ESR1: variants seen among roughly 807,000 people sequenced by gnomAD.
ESR1 encodes estrogen receptor 1.
In ESR1, 12 loss-of-function variants were observed where a neutral mutation model predicts 52.7. The ratio of observed to expected loss-of-function variants is 0.23; its 90% CI spans 0.15 to 0.37. ESR1 has a LOEUF of 0.37. Ranked by LOEUF, ESR1 falls within the 10% of genes least tolerant of loss-of-function variation. ESR1 has a pLI of 1.00. For missense variants in ESR1, 584 were observed against 779.7 expected, an observed-to-expected ratio of 0.75 and a Z score of 2.99; for synonymous variants, 305 against 316.8, an observed-to-expected ratio of 0.96 and a Z score of 0.39.
chr6:152,066,289 C>T (rs1202621960), intron 6 of ESR1, among the ~76,000 whole-genome samples: 3 of 152,190 alleles, frequency 2.0e-5, no homozygotes, highest in African/African-American at 7.2e-5. Context: ...TTTGCACTCA[C>T]TTTATATTAT....
intron 5 of ESR1, among the ~76,000 whole-genome samples, chr6:152,054,204 G>A (rs2046920627): frequency 6.6e-6 from 1 of 151,688 alleles, no homozygotes; most frequent in South Asian, 2.1e-4. Flanking sequence ...CATTTTTAAG[G>A]GAAGATATTT....
chr6:151,728,385 A>T (rs763724475), intron 2 of ESR1, among the ~76,000 whole-genome samples: 1 of 152,252 alleles, frequency 6.6e-6, no homozygotes, highest in African/African-American at 2.4e-5. Context: ...TCAACTGAAC[A>T]TTGAAAAATG....
chr6:151,970,722 C>T (rs1562613136), intron 4 of ESR1, among the ~76,000 whole-genome samples: 2 of 152,212 alleles, frequency 1.3e-5, no homozygotes, highest in Admixed American at 6.5e-5. Context: ...CGGTTTAGCA[C>T]AGAGCTTTTA....
intron 1 of ESR1, among the ~76,000 whole-genome samples, chr6:151,838,388 T>A (rs1251578146): frequency 6.6e-6 from 1 of 152,212 alleles, no homozygotes; most frequent in African/African-American, 2.4e-5. Context: ...CTGCTGGGAC[T>A]GATCTAGCCA....
chr6:152,113,467 G>T (rs546901226), intron 6 of ESR1, among the ~76,000 whole-genome samples: 1 of 152,086 alleles, frequency 6.6e-6, no homozygotes, highest in Non-Finnish European at 1.5e-5. Context: ...CTCAGTTACC[G>T]CAGGGCTGTC....
chr6:151,802,404 A>G (rs540239591), upstream of ESR1, among the ~76,000 whole-genome samples: 15 of 152,362 alleles, frequency 9.8e-5, no homozygotes, highest in South Asian at 3.1e-3. Context: ...CTCAGAGTGA[A>G]GGAACCATTT....
At chr6:151,666,914 G>A (rs1777848317) in intron 1 of ESR1, among the ~76,000 whole-genome samples, 1 of 152,104 alleles carries the variant, frequency 6.6e-6, no homozygotes, top group Non-Finnish European at 1.5e-5. Context: ...CATAAGGCAA[G>A]CAGAGTGGGA....
intron 4 of ESR1, among the ~76,000 whole-genome samples, chr6:152,005,692 C>T (rs2042275903): frequency 6.6e-6 from 1 of 152,012 alleles, no homozygotes; most frequent in Admixed American, 6.6e-5. Flanking sequence ...CTGCATTTTA[C>T]AGACAGGAAA....
intron 2 of ESR1, among the ~76,000 whole-genome samples, chr6:151,843,468 T>C (rs1267902481): frequency 6.6e-6 from 1 of 152,206 alleles, no homozygotes; most frequent in African/African-American, 2.4e-5. Context: ...CTATACTTTA[T>C]TTCTACTCCA....
At chr6:152,062,574 T>A (rs1248092288) in intron 6 of ESR1, among the ~76,000 whole-genome samples, 5 of 152,232 alleles carry the variant, frequency 3.3e-5, no homozygotes, top group Non-Finnish European at 7.3e-5. Flanking sequence ...TTCAGTCGTT[T>A]GTCCTGTACA....
At chr6:152,005,969 G>A (rs1352816621) in intron 4 of ESR1, among the ~76,000 whole-genome samples, 1 of 152,008 alleles carries the variant, frequency 6.6e-6, no homozygotes, top group Admixed American at 6.6e-5. Context: ...ATTTAGTGTG[G>A]CAGCTGCATA....
chr6:151,864,412 G>T (rs1789464964), intron 2 of ESR1, among the ~76,000 whole-genome samples: 1 of 152,194 alleles, frequency 6.6e-6, no homozygotes, highest in Admixed American at 6.5e-5. Flanking sequence ...CAGTTAGAAT[G>T]GTGATCATTA....
chr6:151,764,675 A>T (rs1448200148), intron 2 of ESR1, among the ~76,000 whole-genome samples: 1 of 152,234 alleles, frequency 6.6e-6, no homozygotes, highest in Non-Finnish European at 1.5e-5. Flanking sequence ...ACATTCATCA[A>T]GATCCAAATT....
chr6:151,815,814 G>T (rs1233347304), intron 1 of ESR1, among the ~76,000 whole-genome samples: 1 of 152,210 alleles, frequency 6.6e-6, no homozygotes, highest in African/African-American at 2.4e-5. Context: ...CCCAGCTGAG[G>T]CTGAGCAAGG....
intron 3 of ESR1, among the ~76,000 whole-genome samples, chr6:151,936,488 G>A (rs575917803): frequency 6.6e-6 from 1 of 152,264 alleles, no homozygotes; most frequent in East Asian, 1.9e-4. Flanking sequence ...CAAAACTCTA[G>A]AAGAAGAAAC....
chr6:151,963,721 A>T (rs1283513050), intron 4 of ESR1, among the ~76,000 whole-genome samples: 1 of 152,184 alleles, frequency 6.6e-6, no homozygotes, highest in African/African-American at 2.4e-5. Flanking sequence ...TTGCCTGTGC[A>T]TTCAAGGTTG....
In ESR1 at chr6:152,101,034, G is replaced by GT. The variant is rs11285435; in HGVS notation, c.*2085dup. ...TGCAAAAACCAAGGAAAAATATTTAGTTTTTTTTTTTTTTTTTGTATACTT... is the reference window on the plus strand; with the variant it reads ...TGCAAAAACCAAGGAAAAATATTTAGTTTTTTTTTTTTTTTTTTGTATACTT... On this transcript the variant is annotated 3_prime_UTR_variant, in exon 8 of 8. Transcript: ENST00000206249. 0.11 allele frequency: 20,838 copies of GT among 191,578 alleles called. 165 individuals are homozygous for GT. The highest frequency in any genetic ancestry group is 0.2 in the East Asian group (2,526 of 12,850). The allele number at this position is 191,578 out of a possible 1,614,324, so 11.9% of individuals were successfully genotyped here.
intron 2 of ESR1, among the ~76,000 whole-genome samples, chr6:151,799,192 C>A (rs1776995773): frequency 6.6e-6 from 1 of 152,210 alleles, no homozygotes; most frequent in Non-Finnish European, 1.5e-5. Flanking sequence ...AAGAAGGAGG[C>A]ACTCCAAGTT....
At chr6:151,801,076 G>GTGTGTT (rs1035313330), upstream of ESR1, among the ~76,000 whole-genome samples, 26 of 151,936 alleles carry the variant, frequency 1.7e-4, no homozygotes, top group East Asian at 7.8e-4. Flanking sequence ...GTGTGTGTGT[G>GTGTGTT]TGTGTAAAGG....
Sources: allele counts gnomAD v4.1 joint callset (sites outside exome capture counted in the v4.1 genomes callset), GRCh38; gene constraint gnomAD v4.1.1; transcripts MANE v1.5; gene names NCBI Gene and HGNC (gene_info 2026-07-23, HGNC 2026-07-21).